Variants in RABL3 observed in about 807,000 individuals in gnomAD.
RABL3 encodes the protein rab-like protein 3.
RABL3 carries 31 observed loss-of-function variants against 31.8 expected under a neutral mutation model. The observed-to-expected ratio is 0.97, with a 90% CI of 0.73 to 1.31. RABL3 has a LOEUF of 1.31. Among genes scored for constraint, RABL3 ranks in the 40% most tolerant of loss-of-function variants. RABL3 has a pLI of 0.00. For synonymous variants in RABL3, 97 were observed against 99.9 expected (o/e 0.97, Z 0.18); for missense variants, 263 against 279.6 (o/e 0.94, Z 0.42).
At chr3:120,701,791 C>T (rs558794609) in intron 4 of RABL3, among the ~76,000 whole-genome samples, 1 of 152,230 alleles carries the variant, frequency 6.6e-6, no homozygotes, top group East Asian at 1.9e-4. Flanking sequence ...TTGCTTCAAT[C>T]AAAAGATAGA....
At position 120,698,537 on chromosome 3, in the gene RABL3, T is replaced by G; in HGVS notation, c.420A>C (p.Ile140=). 6.2e-7 allele frequency: 1 copy of G among 1,613,046 alleles called. No homozygotes were observed. The highest frequency in any genetic ancestry group is 2.2e-5 in the East Asian group (1 of 44,840). ...YDQEQFADNQ[I]PLLVIGTKLD... is the part of the protein sequence containing the mutation. ...GTTTAGTCCCTATTACCAACAGTGG[T>G]ATTTGGTTATCAGCAAACTGTTCTT... Residue 140 remains isoleucine (I), a synonymous_variant, in exon 5 of 8, where the codon ATA becomes ATC. Coordinates refer to ENST00000273375, the MANE Select transcript of RABL3 (RefSeq NM_173825.5).
At chr3:120,702,170 G>T (rs1334555510) in intron 4 of RABL3, among the ~76,000 whole-genome samples, 1 of 152,264 alleles carries the variant, frequency 6.6e-6, no homozygotes, top group Non-Finnish European at 1.5e-5. Flanking sequence ...CATGACAGTT[G>T]TGGCAAAGGC....
intron 4 of RABL3, among the ~76,000 whole-genome samples, chr3:120,702,624 C>A (rs1708505660): frequency 6.7e-6 from 1 of 149,934 alleles, no homozygotes; most frequent in Non-Finnish European, 1.5e-5. Context: ...GTGGCGTGAT[C>A]TCGGCTCACT....
At position 120,736,147 on chromosome 3, in the gene RABL3, T is replaced by TA. The variant is rs1223988929; in HGVS notation, c.47-5361dup. Among the ~76,000 whole-genome samples, 4 of 152,306 alleles carry TA rather than the reference T, an allele frequency of 2.6e-5. No individual in the cohort carries two copies. The East Asian group carries it at 7.7e-4, about 29-fold the overall frequency. ...CTGTCTAATGTTGACAGTGGGGTGTTAAAGTCTCCCATTTTTATTGCGTGG... is the reference window on the plus strand; with the variant it reads ...CTGTCTAATGTTGACAGTGGGGTGTTAAAAGTCTCCCATTTTTATTGCGTGG... On this transcript the variant is annotated intron_variant, in intron 1 of 7. Transcript: ENST00000273375.
rs1428525692 is a variant in RABL3, at chr3:120,692,300, G to A, written c.607-1813C>T. ...TGCAAGCTCCACCTCCTGGGTTCAC[G>A]CCATTCTCCTGCCTCAGCCTCCTGA... is the stretch of plus-strand genomic sequence containing the variant. On this transcript the variant is annotated intron_variant, in intron 6 of 7. Coordinates refer to ENST00000273375, the MANE Select transcript of RABL3 (RefSeq NM_173825.5). 2.6e-5 allele frequency among the ~76,000 whole-genome samples: 4 copies of A among 152,060 alleles called. No homozygotes were observed. In the East Asian group the frequency reaches 5.8e-4, roughly 22 times the overall value.
At chr3:120,690,408 A>C in intron 7 of RABL3, 41 bp downstream of exon 7, 1 of 1,435,160 alleles carries the variant, frequency 7.0e-7, no homozygotes, top group Non-Finnish European at 9.8e-7. Context: ...ATCACCTATC[A>C]AAATTTAAGA....
intron 2 of RABL3, among the ~76,000 whole-genome samples, chr3:120,728,284 C>G (rs1029343446): frequency 6.6e-6 from 1 of 152,142 alleles, no homozygotes; most frequent in African/African-American, 2.4e-5. Flanking sequence ...TCCTACAAAC[C>G]TGTAGACTCA....
At chr3:120,696,626 C>T (rs1006487420) in intron 5 of RABL3, among the ~76,000 whole-genome samples, 81 of 149,736 alleles carry the variant, frequency 5.4e-4, no homozygotes, top group Non-Finnish European at 1.0e-3. Flanking sequence ...CACACACACA[C>T]ACATGCACGC....
chr3:120,717,446 G>A (rs867706811), intron 2 of RABL3, among the ~76,000 whole-genome samples: 5 of 152,026 alleles, frequency 3.3e-5, no homozygotes, highest in South Asian at 2.1e-4. Flanking sequence ...ACCCAGTAAC[G>A]TAATTATATG....
At chr3:120,714,931 C>T (rs763041624) in intron 2 of RABL3, among the ~76,000 whole-genome samples, 20 of 152,218 alleles carry the variant, frequency 1.3e-4, no homozygotes, top group Non-Finnish European at 2.2e-4. Flanking sequence ...TCTAGTGGTT[C>T]GGGATTATTT....
chr3:120,699,228 C>T (rs1708469949), intron 4 of RABL3, among the ~76,000 whole-genome samples: 1 of 152,034 alleles, frequency 6.6e-6, no homozygotes, highest in Non-Finnish European at 1.5e-5. Context: ...AGCTGAAATG[C>T]AAAATGAATA....
At chr3:120,699,528 C>A (rs1333062351) in intron 4 of RABL3, among the ~76,000 whole-genome samples, 2 of 152,162 alleles carry the variant, frequency 1.3e-5, no homozygotes, top group Non-Finnish European at 2.9e-5. Flanking sequence ...GCTCAACTTA[C>A]AACAGTCAGC....
chr3:120,726,817 A>G (rs1708827269), intron 2 of RABL3, among the ~76,000 whole-genome samples: 1 of 151,974 alleles, frequency 6.6e-6, no homozygotes, highest in Non-Finnish European at 1.5e-5. Context: ...AATCTCAACA[A>G]ATTTCAAAGG....
chr3:120,716,397 A>G (rs1708669950), intron 2 of RABL3, among the ~76,000 whole-genome samples: 1 of 152,224 alleles, frequency 6.6e-6, no homozygotes, highest in Non-Finnish European at 1.5e-5. Flanking sequence ...CCAAAATGTT[A>G]GTAATTACTG....
intron 2 of RABL3, among the ~76,000 whole-genome samples, chr3:120,726,920 T>A (rs1708828417): frequency 6.6e-6 from 1 of 151,970 alleles, no homozygotes; most frequent in African/African-American, 2.4e-5. Flanking sequence ...TGTTTGGAAA[T>A]TGAGAAGCAT....
intron 2 of RABL3, among the ~76,000 whole-genome samples, chr3:120,715,733 A>AT (rs879269471): frequency 3.3e-4 from 49 of 148,324 alleles, no homozygotes; most frequent in East Asian, 5.9e-4. Flanking sequence ...ACAGTATCAG[A>AT]TTTTTTTTTT....
Position 120,735,410 on chromosome 3 carries a change from T to C in RABL3, c.47-4623A>G, listed in dbSNP as rs574790353. On this transcript the variant is annotated intron_variant, in intron 1 of 7. Transcript: ENST00000273375. ...GTGATATCCCCTTTATCATTTTTTA[T>C]TGCGTCTGTTTGATTCTTCTGTCTT... Among the ~76,000 whole-genome samples, 122 of 151,044 alleles carry C rather than the reference T, an allele frequency of 8.1e-4. 1 individual carries two copies. Among genetic ancestry groups the C allele is most frequent in the African/African-American group, 2.8e-3 (117 of 41,468 alleles).
At chr3:120,698,764 A>T (rs1317760461) in intron 4 of RABL3, among the ~76,000 whole-genome samples, 191 bp from the exon 5 acceptor site, 1 of 152,194 alleles carries the variant, frequency 6.6e-6, no homozygotes, top group Non-Finnish European at 1.5e-5. Context: ...TCATCATCAG[A>T]TTCCAGCTAT....
rs143672053 is a variant in RABL3 at position 120,694,331 on chromosome 3, C to A, written c.535-107G>T. On this transcript the variant is annotated intron_variant, in intron 5 of 7. Coordinates refer to ENST00000273375, the MANE Select transcript of RABL3 (RefSeq NM_173825.5). ...TTTCTGTAGGCATAATACTATTAGG[C>A]ACAATACTCTCACAAAATATTCAAA... 1.9e-3 allele frequency: 1,205 copies of A among 635,606 alleles called. 12 individuals are homozygous for A. In the African/African-American group the frequency reaches 0.02, roughly 11 times the overall value. 39.4% of individuals were successfully genotyped at this position (635,606 alleles called of 1,614,324 possible).
Sources: gnomAD v4.1 joint callset for allele counts (sites outside exome capture counted in the v4.1 genomes callset) on GRCh38, gnomAD v4.1.1 for gene constraint, MANE v1.5 for transcripts, NCBI Gene and HGNC (gene_info 2026-07-23, HGNC 2026-07-21) for gene names.